CYSTM1: variants seen among roughly 807,000 people sequenced by gnomAD.
CYSTM1 encodes cysteine-rich transmembrane module-containing protein 1.
A neutral mutation model predicts 13.1 loss-of-function variants in CYSTM1; 4 were observed. That is an observed-to-expected ratio of 0.31 (90% CI 0.15 to 0.70). The LOEUF (loss-of-function observed/expected upper bound fraction) is 0.70, where lower values mean the gene tolerates loss of function less well. Ranked by LOEUF, CYSTM1 falls within the 30% of genes least tolerant of loss-of-function variation. The pLI is 0.72. For missense variants in CYSTM1, 96 were observed against 121.6 expected (o/e 0.79, Z 0.99); for synonymous variants, 36 against 42.7 (o/e 0.84, Z 0.62).
chr5:140,236,221 A>G (rs2126672333), intron 2 of CYSTM1, among the ~76,000 whole-genome samples: 1 of 152,344 alleles, frequency 6.6e-6, no homozygotes, highest in African/African-American at 2.4e-5. Context: ...TACGTCTTTC[A>G]TCTTTTATAA....
intron 1 of CYSTM1, among the ~76,000 whole-genome samples, chr5:140,188,074 T>C (rs1764039428): frequency 1.3e-5 from 2 of 151,270 alleles, no homozygotes; most frequent in African/African-American, 4.9e-5. Flanking sequence ...TTTTAACTTT[T>C]TTTTTTTTTT....
At position 140,243,557 on chromosome 5, in the gene CYSTM1, T is replaced by G. The variant is rs1764779388; in HGVS notation, c.*146T>G. On this transcript the variant is annotated 3_prime_UTR_variant, in exon 3 of 3. Transcript: ENST00000261811. ...TCAGCACTATGGGATTCTAGATTAA[T>G]GGGGGTTGCTACTGTTTAATTCAGT... The G allele has an allele frequency of 1.7e-6, 1 of 589,984 alleles. No homozygotes were observed. Among genetic ancestry groups the G allele is most frequent in the South Asian group, 2.3e-5 (1 of 43,686 alleles). 36.5% of individuals were successfully genotyped at this position (589,984 alleles called of 1,614,324 possible).
At chr5:140,187,195 A>G (rs1432451601) in intron 1 of CYSTM1, among the ~76,000 whole-genome samples, 1 of 151,324 alleles carries the variant, frequency 6.6e-6, no homozygotes, top group African/African-American at 2.4e-5. Context: ...TACCTGAACA[A>G]ACTGCACCCA....
In CYSTM1 at chr5:140,194,469, A is replaced by G. The variant is rs1764127964; in HGVS notation, c.4A>G (p.Asn2Asp). The change falls in exon 2 of 3, where the codon AAC becomes GAC. Residue 2 changes from asparagine to aspartate, a missense_variant. Physicochemically the swap from Asn to Asp is conservative, Grantham distance 23 (BLOSUM62 1). Coordinates refer to ENST00000261811, the MANE Select transcript of CYSTM1 (RefSeq NM_032412.4). ...AGGTGCACTTTACAGGTCCCCGATG[A>G]ACCAAGAGAACCCTCCACCATATCC... M[N>D]QENPPPYPGP... The G allele has an allele frequency of 2.5e-6, 4 of 1,582,792 alleles. No individual in the cohort carries two copies. In the South Asian group the frequency reaches 4.7e-5, roughly 19 times the overall value.
intron 2 of CYSTM1, among the ~76,000 whole-genome samples, chr5:140,229,363 T>C (rs961430459): frequency 6.6e-6 from 1 of 151,846 alleles, no homozygotes; most frequent in Non-Finnish European, 1.5e-5. Context: ...CCCTGCTAAT[T>C]TTTGTATCTT....
intron 2 of CYSTM1, among the ~76,000 whole-genome samples, chr5:140,212,559 A>G (rs1279842081): frequency 6.6e-6 from 1 of 152,102 alleles, no homozygotes; most frequent in African/African-American, 2.4e-5. Context: ...CTCCCACCTC[A>G]GCCTCCCAAG....
chr5:140,236,337 A>T (rs1581074456), intron 2 of CYSTM1, among the ~76,000 whole-genome samples: 1 of 152,228 alleles, frequency 6.6e-6, no homozygotes, highest in East Asian at 1.9e-4. Context: ...TGTGGCTTGG[A>T]TTGCTCACTG....
intron 2 of CYSTM1, among the ~76,000 whole-genome samples, chr5:140,215,164 A>C (rs1039314734): frequency 6.6e-6 from 1 of 152,130 alleles, no homozygotes; most frequent in Non-Finnish European, 1.5e-5. Flanking sequence ...CATGGAAGTC[A>C]CTCTCAGGAG....
intron 2 of CYSTM1, chr5:140,201,412 A>G (rs1035492619): frequency 7.9e-5 from 12 of 152,218 alleles, no homozygotes; most frequent in African/African-American, 2.7e-4. Context: ...ATACTGGTCC[A>G]TATACCCTAA....
chr5:140,237,379 G>T (rs142348684), intron 2 of CYSTM1, among the ~76,000 whole-genome samples: 1 of 152,194 alleles, frequency 6.6e-6, no homozygotes, highest in South Asian at 2.1e-4. Context: ...GATTTGAGGC[G>T]AGCCTGATCT....
At chr5:140,222,459 G>A (rs746221418) in intron 2 of CYSTM1, among the ~76,000 whole-genome samples, 3 of 152,214 alleles carry the variant, frequency 2.0e-5, no homozygotes, top group Non-Finnish European at 4.4e-5. Context: ...GAGATGGCTG[G>A]TTGTGAAACT....
At chr5:140,181,976 T>C (rs1763966472) in intron 1 of CYSTM1, among the ~76,000 whole-genome samples, 3 of 152,226 alleles carry the variant, frequency 2.0e-5, no homozygotes, top group African/African-American at 4.8e-5. Flanking sequence ...TAAACCCTAG[T>C]GTTTTTCACA....
At chr5:140,197,343 T>C (rs1476258524) in intron 2 of CYSTM1, among the ~76,000 whole-genome samples, 1 of 152,256 alleles carries the variant, frequency 6.6e-6, no homozygotes, top group Non-Finnish European at 1.5e-5. Flanking sequence ...AAAAGGCTCC[T>C]TAGTTCAGTG....
At position 140,243,752 on chromosome 5, in the gene CYSTM1, G is replaced by A. The variant is rs1764781764; in HGVS notation, c.*341G>A. On this transcript the variant is annotated 3_prime_UTR_variant, in exon 3 of 3. Coordinates refer to ENST00000261811, the MANE Select transcript of CYSTM1 (RefSeq NM_032412.4). ...TCATGGAATGATTTCTCTGCTAACA[G>A]CCGCCTGTATGTTTCAATAAATTTG... 1 of 204,826 alleles carries A rather than the reference G, an allele frequency of 4.9e-6. No individual in the cohort carries two copies. The highest frequency in any genetic ancestry group is 9.9e-6 in the Non-Finnish European group (1 of 100,726). The allele number at this position is 204,826 out of a possible 1,614,324, so 12.7% of individuals were successfully genotyped here.
At chr5:140,204,441 T>TA (rs2126661161) in intron 2 of CYSTM1, among the ~76,000 whole-genome samples, 1 of 152,320 alleles carries the variant, frequency 6.6e-6, no homozygotes, top group South Asian at 2.1e-4. Context: ...GCTGCTGTGA[T>TA]ACAGCACAGA....
intron 2 of CYSTM1, chr5:140,228,836 A>C: frequency 2.5e-6 from 1 of 399,000 alleles, no homozygotes; most frequent in Non-Finnish European, 4.4e-6. Context: ...ACTTGAACTG[A>C]GCAGCTAAGA....
intron 2 of CYSTM1, among the ~76,000 whole-genome samples, chr5:140,199,552 G>A (rs553259640): frequency 1.1e-4 from 16 of 152,234 alleles, no homozygotes; most frequent in African/African-American, 3.6e-4. Flanking sequence ...GTGCAGTGGC[G>A]CGATCTTGAC....
intron 1 of CYSTM1, among the ~76,000 whole-genome samples, chr5:140,180,860 G>A (rs1763953321): frequency 6.6e-6 from 1 of 152,008 alleles, no homozygotes; most frequent in Non-Finnish European, 1.5e-5. Context: ...GTGGGAGGAG[G>A]GTTTGATCTA....
rs1191560308 is a variant in CYSTM1, at chr5:140,217,067, A to AG, written c.187+22415_187+22416insG. ...TCAATTGCATTTTCCTTAGGGAAAAAAAAATCTCCATTAGGCTTTTTTCTT... is the reference window on the plus strand; with the variant it reads ...TCAATTGCATTTTCCTTAGGGAAAAAGAAAATCTCCATTAGGCTTTTTTCTT... On this transcript the variant is annotated intron_variant, in intron 2 of 2. Coordinates refer to ENST00000261811, the MANE Select transcript of CYSTM1 (RefSeq NM_032412.4). Among the ~76,000 whole-genome samples, 4 of 152,244 alleles carry AG rather than the reference A, an allele frequency of 2.6e-5. No homozygotes were observed. The East Asian group carries it at 7.7e-4, about 29-fold the overall frequency.
Sources: allele counts gnomAD v4.1 joint callset (sites outside exome capture counted in the v4.1 genomes callset), GRCh38; gene constraint gnomAD v4.1.1; transcripts MANE v1.5; gene names NCBI Gene and HGNC (gene_info 2026-07-23, HGNC 2026-07-21).